Variants in PAX9 observed in about 807,000 individuals in gnomAD.
PAX9 encodes the protein paired box protein Pax-9.
Under a neutral mutation model 29.1 loss-of-function variants are expected in PAX9, and 6 were observed. The ratio of observed to expected loss-of-function variants is 0.21; its 90% CI spans 0.11 to 0.41. PAX9 has a LOEUF of 0.41. Ranked by LOEUF, PAX9 falls within the 10% of genes least tolerant of loss-of-function variation. PAX9 has a pLI of 1.00. For missense variants in PAX9, 443 were observed against 479.1 expected (o/e 0.92, Z 0.70); for synonymous variants, 217 against 211.7 (o/e 1.03, Z -0.22).
At chr14:36,666,286 C>T in intron 2 of PAX9, 176 bp from the exon 3 acceptor site, 1 of 713,210 alleles carries the variant, frequency 1.4e-6, no homozygotes. Context: ...TTCACCAGGC[C>T]CTGGGCTGGA....
Position 36,661,962 on chromosome 14 carries a change from C to T in PAX9, c.-128C>T, listed in dbSNP as rs1040088841. ...TCTTCCTTTTGCCCTCTCGCCTCCT[C>T]CTCCTGGGAAGAAGCGGAGGCGCCG... On this transcript the variant is annotated 5_prime_UTR_variant, in exon 1 of 4. Transcript: ENST00000361487. The T allele has an allele frequency of 1.3e-5, 15 of 1,158,510 alleles. No homozygotes were observed. The highest frequency in any genetic ancestry group is 1.2e-4 in the African/African-American group (8 of 65,578). 71.8% of individuals were successfully genotyped at this position (1,158,510 alleles called of 1,614,324 possible). A position where few individuals can be genotyped will look rare whatever the true frequency, so the allele number is the denominator to read the frequency against.
upstream of PAX9, chr14:36,657,744 G>A (rs1181390932): frequency 6.6e-6 from 1 of 152,214 alleles, no homozygotes; most frequent in African/African-American, 2.4e-5. Flanking sequence ...GTGGAGCCGC[G>A]GAGAGACTCT....
At position 36,676,436 on chromosome 14, in the gene PAX9, C is replaced by A. The variant is rs776377834; in HGVS notation, c.1010C>A (p.Thr337Lys). ...QAAREGSHSVTASAL is the reference protein window; with the variant it reads ...QAAREGSHSVKASAL ...GCCAGAGAAGGTAGTCATTCTGTCA[C>A]GGCTTCCGCGCTCTGATGGGAAATT... Residue 337 changes from threonine (T) to lysine (K), a missense_variant, in exon 4 of 4, where the codon ACG (threonine) becomes AAG (lysine). Thr to Lys is a moderately conservative substitution (Grantham distance 78). Coordinates refer to ENST00000361487, the MANE Select transcript of PAX9 (RefSeq NM_001372076.1). The A allele has an allele frequency of 4.3e-6, 7 of 1,613,368 alleles. No individual in the cohort carries two copies. The highest frequency in any genetic ancestry group is 5.9e-6 in the Non-Finnish European group (7 of 1,180,038).
intron 2 of PAX9, among the ~76,000 whole-genome samples, chr14:36,663,831 C>T (rs780041384): frequency 7.2e-5 from 11 of 152,230 alleles, no homozygotes; most frequent in Non-Finnish European, 1.3e-4. Context: ...GCAGCCTCAG[C>T]CCGGCTTGCT....
In PAX9 at chr14:36,678,919, G is replaced by A. The variant is rs1257653252; in HGVS notation, c.*2467G>A. ...AAGCCACTTTTTAAAATACGAGAAG[G>A]AAAATAGGATGGATTAAAGGGTTAA... On this transcript the variant is annotated 3_prime_UTR_variant, in exon 4 of 4. Coordinates refer to ENST00000361487, the MANE Select transcript of PAX9 (RefSeq NM_001372076.1). 3 of 979,244 alleles carry A rather than the reference G, an allele frequency of 3.1e-6. No homozygotes were observed. The highest frequency in any genetic ancestry group is 4.7e-5 in the South Asian group (1 of 21,156). The allele number at this position is 979,244 out of a possible 1,614,324, so 60.7% of individuals were successfully genotyped here.
chr14:36,664,087 A>G (rs927162989), intron 2 of PAX9, among the ~76,000 whole-genome samples: 2 of 152,216 alleles, frequency 1.3e-5, no homozygotes, highest in Non-Finnish European at 2.9e-5. Context: ...TTTCGTTCTT[A>G]TGCTTCACTT....
chr14:36,664,108 G>A (rs930689405), intron 2 of PAX9, among the ~76,000 whole-genome samples: 1 of 152,114 alleles, frequency 6.6e-6, no homozygotes, highest in African/African-American at 2.4e-5. Context: ...CATTTTCCTC[G>A]GAAATGGAGG....
chr14:36,666,651 A>C (rs1352947627), intron 3 of PAX9, 50 bp downstream of exon 3: 10 of 1,549,712 alleles, frequency 6.5e-6, no homozygotes, highest in Non-Finnish European at 1.7e-6. Context: ...GCGGGGATTT[A>C]GGCGATGGAA....
chr14:36,661,871 C>T lies in PAX9; in HGVS notation c.-219C>T. On this transcript the variant is annotated 5_prime_UTR_variant, in exon 1 of 4. In the 5' UTR this introduces an upstream ATG that the reference lacks. Transcript: ENST00000361487. ...GCCCTGCCCTGCTCAGCCCAGCCCA[C>T]GTTGCTGCTTAGATTGAAATGCAGA... The T allele has an allele frequency of 3.1e-6, 2 of 638,070 alleles. No homozygotes were observed. The highest frequency in any genetic ancestry group is 1.8e-5 in the South Asian group (1 of 54,748). 39.5% of individuals were successfully genotyped at this position (638,070 alleles called of 1,614,324 possible). A position where few individuals can be genotyped will look rare whatever the true frequency, so the allele number is the denominator to read the frequency against.
intron 3 of PAX9, among the ~76,000 whole-genome samples, chr14:36,675,575 G>A (rs1881854980): frequency 1.3e-5 from 2 of 152,148 alleles, no homozygotes; most frequent in African/African-American, 4.8e-5. Flanking sequence ...CCTGGAAAAG[G>A]CACTTGCAAT....
At chr14:36,659,758 G>A (rs965098611), upstream of PAX9, among the ~76,000 whole-genome samples, 9 of 152,190 alleles carry the variant, frequency 5.9e-5, no homozygotes, top group African/African-American at 2.2e-4. Flanking sequence ...GTGAGAACTG[G>A]GAAGATGTGT....
At chr14:36,661,679 C>G (rs941184716), upstream of PAX9, 1 of 281,122 alleles carries the variant, frequency 3.6e-6, no homozygotes, top group African/African-American at 2.2e-5. Flanking sequence ...GTCAAACACC[C>G]ATTTTCATTG....
At chr14:36,676,166 A>T (rs767463847) in intron 3 of PAX9, 32 bp from the exon 4 acceptor site, 12 of 1,612,644 alleles carry the variant, frequency 7.4e-6, no homozygotes, top group Non-Finnish European at 1.0e-5. Context: ...CTATAATGTG[A>T]TTATTTTTCA....
In PAX9 at chr14:36,678,723, C is replaced by T. The variant is rs1485294733; in HGVS notation, c.*2271C>T. On this transcript the variant is annotated 3_prime_UTR_variant, in exon 4 of 4. Transcript: ENST00000361487. The stretch of plus-strand genomic sequence containing the variant: ...TTTCTTTATCTAAATTAAGAAATCT[C>T]TTGTTATTGTGCTATTTATAATTTT... 1 of 1,197,290 alleles carries T rather than the reference C, an allele frequency of 8.4e-7. No individual in the cohort carries two copies. Among genetic ancestry groups the T allele is most frequent in the Non-Finnish European group, 1.0e-6 (1 of 960,886 alleles). 74.2% of individuals were successfully genotyped at this position (1,197,290 alleles called of 1,614,324 possible). A position where few individuals can be genotyped will look rare whatever the true frequency, so the allele number is the denominator to read the frequency against.
chr14:36,660,609 G>A (rs1248201903), upstream of PAX9, among the ~76,000 whole-genome samples: 5 of 151,992 alleles, frequency 3.3e-5, no homozygotes, highest in South Asian at 2.1e-4. Context: ...GGTGTAGACC[G>A]CAGCCACACA....
chr14:36,670,513 T>C lies in PAX9; in HGVS notation c.771+3912T>C, dbSNP rs1881660629. Reference sequence around the variant, plus strand: ...ACTGGCTGTCCTTGTGGATGTACTATTCTCAGGAAGATATAAATGATATTG... The same window carrying C: ...ACTGGCTGTCCTTGTGGATGTACTACTCTCAGGAAGATATAAATGATATTG... On this transcript the variant is annotated intron_variant, in intron 3 of 3. Transcript: ENST00000361487. Among the ~76,000 whole-genome samples the C allele has an allele frequency of 2.0e-5, 3 of 152,066 alleles. No individual in the cohort carries two copies. The South Asian group carries it at 6.2e-4, about 31-fold the overall frequency.
chr14:36,664,270 G>A (rs1881405373), intron 2 of PAX9, among the ~76,000 whole-genome samples: 1 of 152,202 alleles, frequency 6.6e-6, no homozygotes, highest in South Asian at 2.1e-4. Flanking sequence ...ATCAGCCACT[G>A]CAGTGATGGA....
chr14:36,672,724 T>G (rs1310307927), intron 3 of PAX9, among the ~76,000 whole-genome samples: 6 of 150,966 alleles, frequency 4.0e-5, no homozygotes, highest in African/African-American at 1.2e-4. Context: ...AGGGTCATAA[T>G]TTAACCTGAG....
upstream of PAX9, among the ~76,000 whole-genome samples, chr14:36,658,246 C>T (rs912185851): frequency 3.9e-5 from 6 of 152,110 alleles, no homozygotes; most frequent in Non-Finnish European, 5.9e-5. Context: ...ACTGCATTTG[C>T]CCCCAGACGG....
Sources: allele counts gnomAD v4.1 joint callset (sites outside exome capture counted in the v4.1 genomes callset), GRCh38; gene constraint gnomAD v4.1.1; transcripts MANE v1.5; gene names NCBI Gene and HGNC (gene_info 2026-07-23, HGNC 2026-07-21).